Variants in CTNNA3 observed in about 807,000 individuals in gnomAD.
CTNNA3 encodes the protein catenin alpha 3.
CTNNA3 carries 76 observed loss-of-function variants against 95.7 expected under a neutral mutation model. The observed-to-expected ratio is 0.79, with a 90% CI of 0.66 to 0.96. The LOEUF (loss-of-function observed/expected upper bound fraction) is 0.96. Among genes scored for constraint, CTNNA3 ranks in the 40% least tolerant of loss-of-function variants. The pLI is 0.00. For missense variants in CTNNA3, 1,191 were observed against 1,089.8 expected, an observed-to-expected ratio of 1.09 and a Z score of -1.31; for synonymous variants, 431 against 374.4, an observed-to-expected ratio of 1.15 and a Z score of -1.74.
chr10:66,323,656 GAA>G (rs150270297), intron 12 of CTNNA3, among the ~76,000 whole-genome samples: 5 of 133,054 alleles, frequency 3.8e-5, no homozygotes, highest in East Asian at 2.2e-4. Flanking sequence ...CATCTCAAAC[GAA>G]AAAAAAAAAA....
chr10:66,556,943 T>G (rs766318073), intron 10 of CTNNA3, among the ~76,000 whole-genome samples: 8 of 152,118 alleles, frequency 5.3e-5, no homozygotes, highest in Admixed American at 6.5e-5. Flanking sequence ...TAGTAATCAA[T>G]TCATTATGTA....
rs531185676 is a variant in CTNNA3, at chr10:67,384,162, C to T, written c.579+137680G>A. Among the ~76,000 whole-genome samples, 19 of 151,988 alleles carry T rather than the reference C, an allele frequency of 1.3e-4. No homozygotes were observed. The South Asian group carries it at 2.1e-3, about 17-fold the overall frequency. On this transcript the variant is annotated intron_variant, in intron 5 of 17. Transcript: ENST00000433211. Reference sequence around the variant, plus strand: ...TAAGGATACATAAAACACAAATTAGCATAAATTTAAAGTTGGTTAAAAAAA... The same window carrying T: ...TAAGGATACATAAAACACAAATTAGTATAAATTTAAAGTTGGTTAAAAAAA...
chr10:66,091,983 C>T lies in CTNNA3; in HGVS notation c.1977+11174G>A, dbSNP rs576922167. ...TTTCAACTGACTTTTAGTCTAGTCA[C>T]AGTCAAAATTAATTTCTGCTCTTTC... On this transcript the variant is annotated intron_variant, in intron 14 of 17. Transcript: ENST00000433211. Among the ~76,000 whole-genome samples, 3 of 151,900 alleles carry T rather than the reference C, an allele frequency of 2.0e-5. No homozygotes were observed. In the South Asian group the frequency reaches 6.2e-4, roughly 32 times the overall value.
intron 7 of CTNNA3, among the ~76,000 whole-genome samples, chr10:66,924,073 T>C (rs1402163149): frequency 6.6e-6 from 1 of 152,178 alleles, no homozygotes; most frequent in Non-Finnish European, 1.5e-5. Flanking sequence ...TTAAACTTAT[T>C]TCATCAGAGA....
chr10:66,300,731 A>G (rs1383615616), intron 12 of CTNNA3, among the ~76,000 whole-genome samples: 1 of 152,070 alleles, frequency 6.6e-6, no homozygotes, highest in Non-Finnish European at 1.5e-5. Flanking sequence ...ATGAGAAAAA[A>G]AAAATTAAAG....
intron 11 of CTNNA3, among the ~76,000 whole-genome samples, chr10:66,398,614 A>G (rs1220257814): frequency 1.3e-5 from 2 of 151,972 alleles, no homozygotes; most frequent in Non-Finnish European, 2.9e-5. Context: ...AAAAACACTG[A>G]TAGAAATGAG....
At chr10:67,497,997 A>G (rs1018335643) in intron 5 of CTNNA3, among the ~76,000 whole-genome samples, 3 of 152,150 alleles carry the variant, frequency 2.0e-5, no homozygotes, top group Admixed American at 2.0e-4. Context: ...TTTCAGTCAC[A>G]AAGTCCTTGC....
At chr10:67,038,006 AG>A (rs1239368259) in intron 7 of CTNNA3, among the ~76,000 whole-genome samples, 1 of 152,146 alleles carries the variant, frequency 6.6e-6, no homozygotes, top group Admixed American at 6.5e-5. Context: ...AATTCATGTA[AG>A]CCATAGGAGA....
intron 5 of CTNNA3, among the ~76,000 whole-genome samples, chr10:67,502,224 C>A (rs12248077): frequency 6.6e-6 from 1 of 152,104 alleles, no homozygotes; most frequent in African/African-American, 2.4e-5. Context: ...AATGGTCAGG[C>A]CCCTCTCCTG....
At chr10:66,615,878 C>T (rs1279044670) in intron 10 of CTNNA3, among the ~76,000 whole-genome samples, 1 of 151,976 alleles carries the variant, frequency 6.6e-6, no homozygotes. Context: ...AGCTAAGGCC[C>T]TGACTTTATA....
intron 9 of CTNNA3, among the ~76,000 whole-genome samples, chr10:66,756,500 T>C (rs1433892184): frequency 3.9e-5 from 6 of 152,116 alleles, no homozygotes; most frequent in Admixed American, 2.6e-4. Context: ...CCAAGCCTAG[T>C]TAATTTTCTC....
At chr10:66,985,342 G>A (rs1850670087) in intron 7 of CTNNA3, among the ~76,000 whole-genome samples, 2 of 152,164 alleles carry the variant, frequency 1.3e-5, no homozygotes, top group Non-Finnish European at 2.9e-5. Flanking sequence ...GTTACCAAGG[G>A]TGAGAGAATA....
At chr10:67,355,574 C>A (rs923293358) in intron 5 of CTNNA3, among the ~76,000 whole-genome samples, 1 of 151,594 alleles carries the variant, frequency 6.6e-6, no homozygotes, top group Non-Finnish European at 1.5e-5. Context: ...TCTGCTCCTG[C>A]GGTGAGTTCT....
intron 12 of CTNNA3, among the ~76,000 whole-genome samples, chr10:66,347,855 C>T (rs2092536470): frequency 6.6e-6 from 1 of 151,966 alleles, no homozygotes; most frequent in African/African-American, 2.4e-5. Flanking sequence ...ATCATGTATA[C>T]TGTCACATGC....
At chr10:66,155,382 T>C (rs1376350635) in intron 13 of CTNNA3, among the ~76,000 whole-genome samples, 2 of 151,904 alleles carry the variant, frequency 1.3e-5, no homozygotes, top group South Asian at 2.1e-4. Context: ...ATCTGTGTTA[T>C]ACTTGTGCCA....
intron 7 of CTNNA3, among the ~76,000 whole-genome samples, chr10:67,016,344 A>C (rs1370174468): frequency 1.3e-5 from 2 of 152,142 alleles, no homozygotes; most frequent in Non-Finnish European, 2.9e-5. Flanking sequence ...TTATTTTCTT[A>C]ACATTGAAAG....
chr10:65,938,432 A>C (rs961609925), intron 17 of CTNNA3, among the ~76,000 whole-genome samples: 1 of 152,214 alleles, frequency 6.6e-6, no homozygotes, highest in East Asian at 1.9e-4. Flanking sequence ...TCATGTCAAG[A>C]ATCAATTTGT....
chr10:66,515,649 A>G (rs974676170), intron 11 of CTNNA3, among the ~76,000 whole-genome samples: 1 of 152,140 alleles, frequency 6.6e-6, no homozygotes. Context: ...ATGGCTAGGG[A>G]GGCCTCAGGA....
At chr10:66,763,341 C>CACACACAGAGAGAGAGAGAG (rs371974709) in intron 9 of CTNNA3, among the ~76,000 whole-genome samples, 18 of 139,212 alleles carry the variant, frequency 1.3e-4, no homozygotes, top group South Asian at 9.6e-4. Flanking sequence ...CACACACACA[C>CACACACAGAGAGAGAGAGAG]AGAGAGAGAG....
Sources: gnomAD v4.1 joint callset for allele counts (sites outside exome capture counted in the v4.1 genomes callset) on GRCh38, gnomAD v4.1.1 for gene constraint, MANE v1.5 for transcripts, NCBI Gene and HGNC (gene_info 2026-07-23, HGNC 2026-07-21) for gene names.